CNTNAP2: variants seen among roughly 807,000 people sequenced by gnomAD.
CNTNAP2 encodes the protein contactin associated protein 2.
Under a neutral mutation model 155.2 loss-of-function variants are expected in CNTNAP2, and 98 were observed. The ratio of observed to expected loss-of-function variants is 0.63; its 90% CI spans 0.54 to 0.75. The LOEUF (loss-of-function observed/expected upper bound fraction) is 0.75. CNTNAP2 is among the 30% of genes least tolerant of loss of function. CNTNAP2 has a pLI of 0.00. For missense variants in CNTNAP2, 1,727 were observed against 1,688.1 expected, an observed-to-expected ratio of 1.02 and a Z score of -0.40; for synonymous variants, 651 against 631.2, an observed-to-expected ratio of 1.03 and a Z score of -0.47.
At chr7:146,234,909 G>T (rs1347174974) in intron 1 of CNTNAP2, among the ~76,000 whole-genome samples, 1 of 152,098 alleles carries the variant, frequency 6.6e-6, no homozygotes, top group Non-Finnish European at 1.5e-5. Flanking sequence ...TTCCTATTTG[G>T]CATGTCTGTG....
chr7:147,750,889 A>G (rs1056666452), intron 13 of CNTNAP2, among the ~76,000 whole-genome samples: 2 of 151,824 alleles, frequency 1.3e-5, no homozygotes, highest in African/African-American at 4.8e-5. Flanking sequence ...ATACAAAAAC[A>G]TTTGGCTGGG....
intron 21 of CNTNAP2, among the ~76,000 whole-genome samples, chr7:148,360,043 A>G (rs1409440718): frequency 6.6e-6 from 1 of 152,206 alleles, no homozygotes; most frequent in African/African-American, 2.4e-5. Context: ...AGAACATGGC[A>G]AAAACTGCAG....
intron 1 of CNTNAP2, among the ~76,000 whole-genome samples, chr7:146,469,815 C>G (rs1175342060): frequency 6.6e-6 from 1 of 151,090 alleles, no homozygotes; most frequent in Non-Finnish European, 1.5e-5. Flanking sequence ...CAGGCGTGAG[C>G]CACCAACCCC....
At position 148,270,981 on chromosome 7, in the gene CNTNAP2, C is replaced by T. The variant is rs1189238012; in HGVS notation, c.3475+3855C>T. The stretch of plus-strand genomic sequence containing the variant: ...TTTTTTGAAACTAATCTATTTACAG[C>T]AGGCTGATCAGTGCCTAGTATACAG... On this transcript the variant is annotated intron_variant, in intron 21 of 23. Transcript: ENST00000361727. Among the ~76,000 whole-genome samples the T allele has an allele frequency of 2.0e-5, 3 of 152,180 alleles. 1 individual carries two copies. Among genetic ancestry groups the T allele is most frequent in the Non-Finnish European group, 4.4e-5 (3 of 68,038 alleles).
At chr7:146,677,777 CGTT>C (rs1052456825) in intron 1 of CNTNAP2, among the ~76,000 whole-genome samples, 1 of 151,580 alleles carries the variant, frequency 6.6e-6, no homozygotes, top group Non-Finnish European at 1.5e-5. Flanking sequence ...ATTAGCTATA[CGTT>C]GTTCTCTATA....
chr7:147,427,691 T>C (rs1000471681), intron 10 of CNTNAP2, among the ~76,000 whole-genome samples: 3 of 152,134 alleles, frequency 2.0e-5, no homozygotes, highest in African/African-American at 7.2e-5. Flanking sequence ...TGAAGAGAAG[T>C]ACTAACTAAA....
chr7:146,481,005 A>AT (rs57393867), intron 1 of CNTNAP2, among the ~76,000 whole-genome samples: 6,602 of 150,228 alleles, frequency 0.044, 233 homozygotes, highest in African/African-American at 0.083. Flanking sequence ...ATTAATGAAA[A>AT]TTTTTTTTTT....
At chr7:146,864,602 A>G (rs80337806) in intron 3 of CNTNAP2, among the ~76,000 whole-genome samples, 6,030 of 152,250 alleles carry the variant, frequency 0.04, 144 homozygotes, top group Non-Finnish European at 0.044. Flanking sequence ...ACAGAAGCAT[A>G]AAGATTGGAA....
chr7:146,569,778 T>C (rs1383088647), intron 1 of CNTNAP2, among the ~76,000 whole-genome samples: 2 of 152,126 alleles, frequency 1.3e-5, no homozygotes, highest in East Asian at 3.9e-4. Flanking sequence ...AGGTAGATGG[T>C]CAAAAGAGTT....
intron 1 of CNTNAP2, among the ~76,000 whole-genome samples, chr7:146,655,954 G>GT (rs1197406295): frequency 6.6e-6 from 1 of 152,162 alleles, no homozygotes; most frequent in African/African-American, 2.4e-5. Context: ...AATGGGATAG[G>GT]TTTTGTTTGG....
chr7:147,952,318 T>C (rs1270399751), intron 14 of CNTNAP2, among the ~76,000 whole-genome samples: 6 of 139,886 alleles, frequency 4.3e-5, no homozygotes, highest in Admixed American at 3.0e-4. Context: ...GGTGGATGCC[T>C]GTAATCCCAG....
At chr7:147,448,848 A>T (rs1797784866) in intron 10 of CNTNAP2, among the ~76,000 whole-genome samples, 1 of 152,118 alleles carries the variant, frequency 6.6e-6, no homozygotes, top group Non-Finnish European at 1.5e-5. Context: ...ACCTTGGGTG[A>T]CTTATTTTAT....
chr7:148,057,658 A>G (rs1056816637), intron 15 of CNTNAP2, among the ~76,000 whole-genome samples: 1 of 152,206 alleles, frequency 6.6e-6, no homozygotes, highest in Non-Finnish European at 1.5e-5. Context: ...TGTGGGCATC[A>G]CTGTACCTCC....
Position 148,051,544 on chromosome 7 carries a change from G to A in CNTNAP2, c.2384-66574G>A, listed in dbSNP as rs576353691. 1.2e-3 allele frequency among the ~76,000 whole-genome samples: 181 copies of A among 152,168 alleles called. 1 individual carries two copies. The highest frequency in any genetic ancestry group is 3.1e-3 in the South Asian group (15 of 4,818). ...GCAAGAATAGGCAGAAGGATCACTG[G>A]AACTGATTAGAATGTCAGAATACTG... is the stretch of plus-strand genomic sequence containing the variant. On this transcript the variant is annotated intron_variant, in intron 15 of 23. Coordinates refer to ENST00000361727, the MANE Select transcript of CNTNAP2 (RefSeq NM_014141.6).
At chr7:147,820,692 G>T (rs1395175355) in intron 13 of CNTNAP2, among the ~76,000 whole-genome samples, 2 of 151,958 alleles carry the variant, frequency 1.3e-5, no homozygotes, top group Non-Finnish European at 2.9e-5. Context: ...TTGTGTATCT[G>T]GTGTGAGGCA....
rs558914788 is a variant in CNTNAP2, at chr7:147,499,442, T to C, written c.1777+13401T>C. On this transcript the variant is annotated intron_variant, in intron 11 of 23. Coordinates refer to ENST00000361727, the MANE Select transcript of CNTNAP2 (RefSeq NM_014141.6). ...TACTCGGGAGGCTGAGGCAAGAGAA[T>C]GGCCTGAACCCGGGAGGCAGAGCTT... 3.3e-5 allele frequency among the ~76,000 whole-genome samples: 5 copies of C among 152,128 alleles called. No homozygotes were observed. The South Asian group carries it at 1.0e-3, about 32-fold the overall frequency.
chr7:147,298,433 A>G (rs1339938514), intron 8 of CNTNAP2, among the ~76,000 whole-genome samples: 1 of 152,128 alleles, frequency 6.6e-6, no homozygotes, highest in Non-Finnish European at 1.5e-5. Flanking sequence ...ACAAAAAAAA[A>G]AGAGGGGCTC....
Position 148,415,502 on chromosome 7 carries a change from T to C in CNTNAP2, c.3882T>C (p.His1294=), listed in dbSNP as rs758510458. 6.2e-7 allele frequency: 1 copy of C among 1,614,166 alleles called. No homozygotes were observed. Among genetic ancestry groups the C allele is most frequent in the Admixed American group, 1.7e-5 (1 of 60,028 alleles). ...TGTTCCGCCACAAGGGCACCTACCA[T>C]ACCAACGAAGCAAAGGGGGCGGAGT... ...RYMFRHKGTY[H]TNEAKGAESA... is the part of the protein sequence containing the mutation. Residue 1294 remains histidine (H), a synonymous_variant, in exon 24 of 24, where the codon CAT becomes CAC. Transcript: ENST00000361727.
chr7:146,193,677 G>A (rs1428768634), intron 1 of CNTNAP2, among the ~76,000 whole-genome samples: 5 of 152,204 alleles, frequency 3.3e-5, no homozygotes, highest in Non-Finnish European at 7.3e-5. Context: ...GAAGGTCTCC[G>A]AGATTCCCTA....
Sources: gnomAD v4.1 joint callset for allele counts (sites outside exome capture counted in the v4.1 genomes callset) on GRCh38, gnomAD v4.1.1 for gene constraint, MANE v1.5 for transcripts, NCBI Gene and HGNC (gene_info 2026-07-23, HGNC 2026-07-21) for gene names.